The following BCL11B variants were observed in gnomAD, a reference collection of about 807,000 sequenced individuals.
BCL11B encodes B-cell lymphoma/leukemia 11B.
A neutral mutation model predicts 49.9 loss-of-function variants in BCL11B; 8 were observed. The ratio of observed to expected loss-of-function variants is 0.16; its 90% CI spans 0.09 to 0.29. The LOEUF is 0.29. Among genes scored for constraint, BCL11B ranks in the 10% least tolerant of loss-of-function variants. BCL11B has a pLI of 1.00. For synonymous variants in BCL11B, 739 were observed against 637.4 expected (o/e 1.16, Z -2.40); for missense variants, 1,006 against 1,351.0 (o/e 0.74, Z 4.00).
chr14:99,220,881 C>T (rs1288989386), intron 3 of BCL11B, among the ~76,000 whole-genome samples: 3 of 152,104 alleles, frequency 2.0e-5, no homozygotes, highest in Admixed American at 6.5e-5. Flanking sequence ...GACAGCATCT[C>T]GCTCTGTTGC....
intron 1 of BCL11B, among the ~76,000 whole-genome samples, chr14:99,261,728 C>T (rs1457301782): frequency 6.6e-6 from 1 of 151,932 alleles, no homozygotes; most frequent in African/African-American, 2.4e-5. Context: ...TATTATGAGC[C>T]GAATAAAGTA....
At chr14:99,253,656 C>T (rs1237307351) in intron 2 of BCL11B, among the ~76,000 whole-genome samples, 1 of 152,070 alleles carries the variant, frequency 6.6e-6, no homozygotes, top group Non-Finnish European at 1.5e-5. Context: ...AGCCTTCAAA[C>T]CCCAAACACC....
At chr14:99,211,943 T>G (rs545189765) in intron 3 of BCL11B, among the ~76,000 whole-genome samples, 52 of 152,054 alleles carry the variant, frequency 3.4e-4, no homozygotes, top group African/African-American at 1.2e-3. Flanking sequence ...GTAAATGAAC[T>G]TGAACCCCTG....
At position 99,257,529 on chromosome 14, in the gene BCL11B, T is replaced by C; in HGVS notation, c.369A>G (p.Glu123=). Residue 123 remains glutamate (E), a synonymous_variant, in exon 2 of 4, where the codon GAA becomes GAG. Transcript: ENST00000357195. The surrounding 1 kb of genome is among the most constrained non-coding windows in gnomAD (Gnocchi z 6.2). ...TCGTGGGTGAGAGCAGGTGGTCATC[T>C]TCGTCGGGGGTGACTTGGATCCCGA... The part of the protein sequence containing the change: ...VEIGIQVTPD[E]DDHLLSPTKG... 1 of 1,613,694 alleles carries C rather than the reference T, an allele frequency of 6.2e-7. No individual in the cohort carries two copies. The highest frequency in any genetic ancestry group is 8.5e-7 in the Non-Finnish European group (1 of 1,179,744).
intron 2 of BCL11B, among the ~76,000 whole-genome samples, chr14:99,238,115 GAGGGAGACTAGAAGCACACCTC>G (rs1566824828): frequency 6.6e-6 from 1 of 151,836 alleles, no homozygotes; most frequent in African/African-American, 2.4e-5. Context: ...GCTTGGCCGT[GAGGGAGACTAGAAGCACACCTC>G]AGGGAGCACC....
In BCL11B at chr14:99,184,151, A is replaced by G. The variant is rs2139780203; in HGVS notation, c.641-7956T>C. ...TGCTGCCTGCCTTTTGCACACACCC[A>G]TGAGCTGCCCACTCGCCCTCTCGGT... On this transcript the variant is annotated intron_variant, in intron 3 of 3. Transcript: ENST00000357195. The surrounding 1 kb of genome is among the most constrained non-coding windows in gnomAD (Gnocchi z 6.1). Among the ~76,000 whole-genome samples, 1 of 151,330 alleles carries G rather than the reference A, an allele frequency of 6.6e-6. No homozygotes were observed. The highest frequency in any genetic ancestry group is 1.9e-4 in the East Asian group (1 of 5,132).
At chr14:99,177,594 G>A (rs2139765866) in intron 3 of BCL11B, among the ~76,000 whole-genome samples, 1 of 145,106 alleles carries the variant, frequency 6.9e-6, no homozygotes, top group East Asian at 2.1e-4. Flanking sequence ...TCCAGCAGAA[G>A]ACATGGCATG....
chr14:99,203,178 T>C (rs1215229093), intron 3 of BCL11B, among the ~76,000 whole-genome samples: 1 of 152,118 alleles, frequency 6.6e-6, no homozygotes, highest in African/African-American at 2.4e-5. Context: ...GTGTTCCCGT[T>C]CTCGTTCCCC....
chr14:99,242,300 A>G lies in BCL11B; in HGVS notation c.428-10743T>C, dbSNP rs1216477479. Among the ~76,000 whole-genome samples, 1 of 152,164 alleles carries G rather than the reference A, an allele frequency of 6.6e-6. No homozygotes were observed. The highest frequency in any genetic ancestry group is 1.5e-5 in the Non-Finnish European group (1 of 68,012). On this transcript the variant is annotated intron_variant, in intron 2 of 3. Transcript: ENST00000357195. The surrounding 1 kb of genome is among the most constrained non-coding windows in gnomAD (Gnocchi z 4.4). ...CATGATCTTGTCCCCCTGCTTCCCT[A>G]CCTTTTCTCGCAAACCATGTGGGCT...
At chr14:99,271,131 G>A (rs1889666058) in intron 1 of BCL11B, 30 bp downstream of exon 1, 2 of 1,530,876 alleles carry the variant, frequency 1.3e-6, no homozygotes, top group Admixed American at 1.9e-5. Flanking sequence ...CCCATCTCCG[G>A]CCCCTCGCGC....
chr14:99,175,673 A>G lies in BCL11B; in HGVS notation c.1163T>C (p.Met388Thr). ...CTGGAAGGGGTTCAGGAGCCGGTGC[A>G]TAGGGTTGCCGCGGCCCGGGGACAC... Reference protein sequence around the residue: ...PPVSPGRGNPMHRLLNPFQPS... With the variant: ...PPVSPGRGNPTHRLLNPFQPS... The change falls in exon 4 of 4, where the codon ATG becomes ACG. Residue 388 changes from methionine (M) to threonine (T), a missense_variant. Physicochemically the swap from Met to Thr is moderately conservative, Grantham distance 81 (BLOSUM62 -1). Coordinates refer to ENST00000357195, the MANE Select transcript of BCL11B (RefSeq NM_138576.4). 6.5e-7 allele frequency: 1 copy of G among 1,548,208 alleles called. No individual in the cohort carries two copies. Among genetic ancestry groups the G allele is most frequent in the Non-Finnish European group, 8.6e-7 (1 of 1,159,648 alleles).
At chr14:99,230,440 T>C (rs921229520) in intron 3 of BCL11B, among the ~76,000 whole-genome samples, 2 of 152,150 alleles carry the variant, frequency 1.3e-5, no homozygotes, top group Non-Finnish European at 2.9e-5. Context: ...GCTCACCACA[T>C]GTGTCTGTGT....
chr14:99,270,710 G>A (rs1327781118), intron 1 of BCL11B, among the ~76,000 whole-genome samples: 1 of 151,066 alleles, frequency 6.6e-6, no homozygotes, highest in Non-Finnish European at 1.5e-5. Context: ...CGCCGTCAGC[G>A]CGGACCCACG....
At chr14:99,203,984 C>G (rs2139826564) in intron 3 of BCL11B, among the ~76,000 whole-genome samples, 1 of 152,308 alleles carries the variant, frequency 6.6e-6, no homozygotes, top group South Asian at 2.1e-4. Context: ...CCCCCAGGTC[C>G]CCCAGGCCCT....
At chr14:99,229,047 G>GATGC (rs1212151017) in intron 3 of BCL11B, among the ~76,000 whole-genome samples, 18,178 of 96,110 alleles carry the variant, frequency 0.19, 1,185 homozygotes, top group Non-Finnish European at 0.28. Flanking sequence ...TGGATGCATG[G>GATGC]ATGGATGGAT....
intron 3 of BCL11B, among the ~76,000 whole-genome samples, chr14:99,198,317 C>T (rs556974138): frequency 6.6e-6 from 1 of 152,212 alleles, no homozygotes; most frequent in African/African-American, 2.4e-5. Context: ...CGGTCCCTTT[C>T]CTGTGGATGC....
chr14:99,180,408 A>C (rs760666985), intron 3 of BCL11B, among the ~76,000 whole-genome samples: 4 of 152,042 alleles, frequency 2.6e-5, no homozygotes, highest in South Asian at 2.1e-4. Flanking sequence ...AGAAACCCAC[A>C]CTGGATCTTC....
Position 99,173,453 on chromosome 14 carries a change from C to T in BCL11B, c.*698G>A, listed in dbSNP as rs575405928. The T allele has an allele frequency of 4.6e-6, 1 of 216,302 alleles. No individual in the cohort carries two copies. The highest frequency in any genetic ancestry group is 5.8e-5 in the Admixed American group (1 of 17,124). The allele number at this position is 216,302 out of a possible 1,614,324, so 13.4% of individuals were successfully genotyped here. A position where few individuals can be genotyped will look rare whatever the true frequency, so the allele number is the denominator to read the frequency against. On this transcript the variant is annotated 3_prime_UTR_variant, in exon 4 of 4. Transcript: ENST00000357195. Reference sequence around the variant, plus strand: ...GAAAAGGCCGCTTGACTCGGGACGACATGAGTGCTACATCTCCATTCCAGT... The same window carrying T: ...GAAAAGGCCGCTTGACTCGGGACGATATGAGTGCTACATCTCCATTCCAGT...
chr14:99,218,331 C>T (rs1055444560), intron 3 of BCL11B, among the ~76,000 whole-genome samples: 4 of 151,018 alleles, frequency 2.6e-5, no homozygotes, highest in Non-Finnish European at 4.4e-5. Context: ...CCGCCCGCCT[C>T]GGCCTCCCAA....
Sources: gnomAD v4.1 joint callset for allele counts (sites outside exome capture counted in the v4.1 genomes callset) on GRCh38, gnomAD v4.1.1 for gene constraint, Gnocchi (gnomAD v3.1) non-coding constraint, MANE v1.5 for transcripts, NCBI Gene and HGNC (gene_info 2026-07-23, HGNC 2026-07-21) for gene names.